LEPR: variants seen among roughly 807,000 people sequenced by gnomAD.
LEPR encodes the protein OB receptor.
A neutral mutation model predicts 114.7 loss-of-function variants in LEPR; 56 were observed. The ratio of observed to expected loss-of-function variants is 0.49; its 90% CI spans 0.39 to 0.61. LEPR has a LOEUF of 0.61. Among genes scored for constraint, LEPR ranks in the 20% least tolerant of loss-of-function variants. LEPR has a pLI of 0.00. For synonymous variants in LEPR, 443 were observed against 461.4 expected (o/e 0.96, Z 0.51); for missense variants, 1,202 against 1,352.9 (o/e 0.89, Z 1.75).
intron 2 of LEPR, among the ~76,000 whole-genome samples, chr1:65,461,901 G>GA (rs1411775763): frequency 5.3e-5 from 8 of 152,058 alleles, no homozygotes; most frequent in African/African-American, 1.7e-4. Context: ...GCCTAATCGT[G>GA]AAAAAATCAT....
intron 2 of LEPR, among the ~76,000 whole-genome samples, chr1:65,531,456 T>C (rs796986933): frequency 6.6e-5 from 10 of 151,890 alleles, no homozygotes; most frequent in African/African-American, 2.4e-4. Context: ...TCTCCTCTCC[T>C]CTCCTTTGTG....
chr1:65,481,504 C>T (rs919404758), intron 2 of LEPR, among the ~76,000 whole-genome samples: 9 of 151,864 alleles, frequency 5.9e-5, no homozygotes, highest in African/African-American at 2.2e-4. Context: ...AACACACTTT[C>T]CAAGGAACAG....
chr1:65,508,329 T>G (rs1382257230), intron 2 of LEPR, among the ~76,000 whole-genome samples: 1 of 152,202 alleles, frequency 6.6e-6, no homozygotes, highest in African/African-American at 2.4e-5. Context: ...GGTCCTATGT[T>G]TAAGTCTTTA....
intron 3 of LEPR, among the ~76,000 whole-genome samples, chr1:65,565,845 T>TCTCA (rs1553166200): frequency 2.0e-5 from 3 of 148,640 alleles, no homozygotes. Context: ...TCTCTCTCTC[T>TCTCA]CACACACACA....
chr1:65,473,029 T>A (rs1647107911), intron 2 of LEPR, among the ~76,000 whole-genome samples: 1 of 152,232 alleles, frequency 6.6e-6, no homozygotes, highest in Admixed American at 6.5e-5. Context: ...CAGCCAATTA[T>A]CTTTCTGACA....
At chr1:65,462,185 TGTTCCCTGC>T (rs745591755) in intron 2 of LEPR, among the ~76,000 whole-genome samples, 4 of 152,136 alleles carry the variant, frequency 2.6e-5, no homozygotes, top group Non-Finnish European at 2.9e-5. Context: ...CAATGTGTGA[TGTTCCCTGC>T]CCTGTGTCCA....
intron 2 of LEPR, among the ~76,000 whole-genome samples, chr1:65,501,959 A>G (rs1648474883): frequency 6.6e-6 from 1 of 152,156 alleles, no homozygotes; most frequent in Non-Finnish European, 1.5e-5. Context: ...GTATTTAATA[A>G]GGTAACATTG....
At chr1:65,421,303 CGGTGTTTTCTCTGTTTAT>C in intron 1 of LEPR, 1 of 1,507,848 alleles carries the variant, frequency 6.6e-7, no homozygotes, top group Non-Finnish European at 8.8e-7. Context: ...CTGCTTTCTT[CGGTGTTTTCTCTGTTTAT>C]GGACAGAGAA....
chr1:65,421,231 A>C, intron 1 of LEPR: 1 of 1,319,650 alleles, frequency 7.6e-7, no homozygotes, highest in Non-Finnish European at 1.0e-6. Flanking sequence ...TGTCAATGGA[A>C]AGCACCCAGA....
intron 2 of LEPR, among the ~76,000 whole-genome samples, chr1:65,510,766 GTA>G (rs1326359853): frequency 6.6e-6 from 1 of 152,150 alleles, no homozygotes; most frequent in Non-Finnish European, 1.5e-5. Context: ...AGCTGAGTTG[GTA>G]CCACTGGGAA....
intron 19 of LEPR, among the ~76,000 whole-genome samples, chr1:65,630,956 G>A (rs992478803): frequency 6.6e-6 from 1 of 151,974 alleles, no homozygotes; most frequent in Non-Finnish European, 1.5e-5. Flanking sequence ...TGTTCCTGTT[G>A]TTTATCTTGG....
At chr1:65,558,221 A>G (rs1365949680) in intron 2 of LEPR, among the ~76,000 whole-genome samples, 1 of 152,182 alleles carries the variant, frequency 6.6e-6, no homozygotes, top group Non-Finnish European at 1.5e-5. Flanking sequence ...CATTTAATAT[A>G]ATTAAATCAT....
At chr1:65,513,892 A>C (rs1649155300) in intron 2 of LEPR, among the ~76,000 whole-genome samples, 1 of 152,222 alleles carries the variant, frequency 6.6e-6, no homozygotes, top group Non-Finnish European at 1.5e-5. Context: ...AGGAAATAAA[A>C]AATAATTTGG....
intron 3 of LEPR, among the ~76,000 whole-genome samples, chr1:65,566,835 C>T (rs1351230876): frequency 6.6e-6 from 1 of 152,176 alleles, no homozygotes; most frequent in South Asian, 2.1e-4. Context: ...TCATTGCAGC[C>T]ATCTGTATAT....
rs915015415 is a variant in LEPR at position 65,633,165 on chromosome 1, T to G, written c.2674-3026T>G. On this transcript the variant is annotated intron_variant, in intron 19 of 19. Transcript: ENST00000349533. This position sits in a 1 kb window ranked among gnomAD's most constrained non-coding sequence, Gnocchi z 4.1. ...TTATCTAAACAGAGAACGGACATTC[T>G]TTGAAGTCTAATCATGATCACTACA... 1.2e-6 allele frequency: 2 copies of G among 1,602,108 alleles called. No individual in the cohort carries two copies. The highest frequency in any genetic ancestry group is 8.5e-7 in the Non-Finnish European group (1 of 1,170,698).
intron 2 of LEPR, chr1:65,435,422 C>T: frequency 5.7e-6 from 4 of 702,332 alleles, no homozygotes; most frequent in Non-Finnish European, 6.9e-6. Context: ...GGCTGGAGTG[C>T]AGTGGTGCGA....
chr1:65,582,057 C>G (rs1388635049), intron 5 of LEPR, among the ~76,000 whole-genome samples: 1 of 152,222 alleles, frequency 6.6e-6, no homozygotes, highest in Non-Finnish European at 1.5e-5. Flanking sequence ...CTTCTAGCCT[C>G]TGTCTGTCCG....
chr1:65,450,976 G>T (rs1207115155), intron 2 of LEPR, among the ~76,000 whole-genome samples: 3 of 150,032 alleles, frequency 2.0e-5, no homozygotes, highest in Non-Finnish European at 4.5e-5. Context: ...ATTCTAACTG[G>T]TGTGAGATGG....
At chr1:65,556,931 A>G (rs757922463) in intron 2 of LEPR, among the ~76,000 whole-genome samples, 1 of 152,156 alleles carries the variant, frequency 6.6e-6, no homozygotes, top group Non-Finnish European at 1.5e-5. Flanking sequence ...ACTGTGTTAG[A>G]GAGACATGAT....
Sources: gnomAD v4.1 joint callset for allele counts (sites outside exome capture counted in the v4.1 genomes callset) on GRCh38, gnomAD v4.1.1 for gene constraint, Gnocchi (gnomAD v3.1) non-coding constraint, MANE v1.5 for transcripts, NCBI Gene and HGNC (gene_info 2026-07-23, HGNC 2026-07-21) for gene names.